The following B3GALT1 variants were observed in gnomAD, a reference collection of about 807,000 sequenced individuals.
B3GALT1 encodes the protein UDP-Gal:betaGlcNAc beta 1,3-galactosyltransferase, polypeptide 1.
In B3GALT1, 10 loss-of-function variants were observed where a neutral mutation model predicts 23.2. The ratio of observed to expected loss-of-function variants is 0.43; its 90% CI spans 0.27 to 0.73. B3GALT1 has a LOEUF of 0.73. B3GALT1 is among the 30% of genes least tolerant of loss of function. The pLI, the probability that B3GALT1 is intolerant of heterozygous loss-of-function variation, is 0.21. For synonymous variants in B3GALT1, 156 were observed against 141.5 expected, an observed-to-expected ratio of 1.10 and a Z score of -0.73; for missense variants, 299 against 405.4, an observed-to-expected ratio of 0.74 and a Z score of 2.25.
chr2:167,501,281 GTA>G (rs1699844486), intron 2 of B3GALT1, among the ~76,000 whole-genome samples: 1 of 151,692 alleles, frequency 6.6e-6, no homozygotes, highest in South Asian at 2.1e-4. Context: ...TTCTGATTGT[GTA>G]TTATTAAATA....
chr2:167,312,493 T>C (rs1331451217), intron 1 of B3GALT1, among the ~76,000 whole-genome samples: 1 of 151,876 alleles, frequency 6.6e-6, no homozygotes, highest in Admixed American at 6.6e-5. Context: ...AAATGCTCAG[T>C]ACAAAGAACA....
chr2:167,643,705 C>G (rs1685694157), intron 2 of B3GALT1, among the ~76,000 whole-genome samples: 1 of 152,206 alleles, frequency 6.6e-6, no homozygotes, highest in Non-Finnish European at 1.5e-5. Context: ...TTCCTAAAAT[C>G]TTCCCTTTTA....
intron 1 of B3GALT1, among the ~76,000 whole-genome samples, chr2:167,395,699 G>C (rs1698082793): frequency 6.6e-6 from 1 of 152,038 alleles, no homozygotes; most frequent in Admixed American, 6.6e-5. Flanking sequence ...AATACAAGGT[G>C]TCTACATGAA....
chr2:167,666,736 G>A (rs1302094865), intron 3 of B3GALT1, among the ~76,000 whole-genome samples: 2 of 152,012 alleles, frequency 1.3e-5, no homozygotes, highest in Non-Finnish European at 2.9e-5. Context: ...ATCTTTGTTG[G>A]TTTAAAGTCT....
At chr2:167,429,503 G>GC (rs1698675960) in intron 1 of B3GALT1, among the ~76,000 whole-genome samples, 2 of 152,146 alleles carry the variant, frequency 1.3e-5, no homozygotes, top group African/African-American at 4.8e-5. Flanking sequence ...GAGAAACATA[G>GC]CTTAAGACAT....
chr2:167,807,542 A>G (rs1334739405), intron 3 of B3GALT1, among the ~76,000 whole-genome samples: 3 of 151,756 alleles, frequency 2.0e-5, no homozygotes, highest in Non-Finnish European at 2.9e-5. Flanking sequence ...TTCAAAGAAC[A>G]TCTTTATTTC....
chr2:167,595,218 G>T (rs1183155592), intron 2 of B3GALT1, among the ~76,000 whole-genome samples: 1 of 152,106 alleles, frequency 6.6e-6, no homozygotes, highest in Non-Finnish European at 1.5e-5. Flanking sequence ...TGAAGGAAAT[G>T]ACAAGGAAAG....
intron 1 of B3GALT1, among the ~76,000 whole-genome samples, chr2:167,463,053 G>T (rs933013223): frequency 6.6e-6 from 1 of 151,978 alleles, no homozygotes; most frequent in Non-Finnish European, 1.5e-5. Context: ...AACACCATAA[G>T]CCTTTTCCTG....
chr2:167,841,311 C>T (rs1689645223), intron 4 of B3GALT1, among the ~76,000 whole-genome samples: 1 of 151,870 alleles, frequency 6.6e-6, no homozygotes, highest in African/African-American at 2.4e-5. Context: ...CAGGTCAGCA[C>T]AACATGCTTA....
At chr2:167,609,514 T>C (rs1318605149) in intron 2 of B3GALT1, among the ~76,000 whole-genome samples, 1 of 152,138 alleles carries the variant, frequency 6.6e-6, no homozygotes, top group African/African-American at 2.4e-5. Context: ...CAGAGCATCA[T>C]CCTCATCCTG....
chr2:167,667,710 A>C (rs938701403), intron 3 of B3GALT1, among the ~76,000 whole-genome samples: 12 of 152,022 alleles, frequency 7.9e-5, no homozygotes, highest in African/African-American at 2.9e-4. Flanking sequence ...TTCATCTTCC[A>C]TCGCTGATGC....
intron 4 of B3GALT1, among the ~76,000 whole-genome samples, chr2:167,846,157 C>G (rs1235246207): frequency 6.6e-6 from 1 of 152,084 alleles, no homozygotes; most frequent in Non-Finnish European, 1.5e-5. Flanking sequence ...GAAGAGAATT[C>G]TAAAAGCTTG....
chr2:167,499,974 GTA>G (rs1202742124), intron 2 of B3GALT1, among the ~76,000 whole-genome samples: 2 of 152,050 alleles, frequency 1.3e-5, no homozygotes, highest in Non-Finnish European at 2.9e-5. Flanking sequence ...GGTGGTGTGT[GTA>G]TATGTGTCCT....
chr2:167,576,490 G>A (rs1266534430), intron 2 of B3GALT1, among the ~76,000 whole-genome samples: 1 of 150,620 alleles, frequency 6.6e-6, no homozygotes, highest in Non-Finnish European at 1.5e-5. Context: ...TTTCGTGGAG[G>A]AGTAAAAGTA....
chr2:167,569,506 A>G (rs1279977352), intron 2 of B3GALT1, among the ~76,000 whole-genome samples: 2 of 151,920 alleles, frequency 1.3e-5, no homozygotes, highest in Non-Finnish European at 2.9e-5. Context: ...GTGCCTTGCT[A>G]GTATATGGTA....
chr2:167,735,604 T>G (rs1024169157), intron 3 of B3GALT1, among the ~76,000 whole-genome samples: 100 of 152,306 alleles, frequency 6.6e-4, no homozygotes, highest in African/African-American at 2.4e-3. Flanking sequence ...CTGCATATAT[T>G]CCTACAGATA....
intron 4 of B3GALT1, among the ~76,000 whole-genome samples, chr2:167,830,529 C>G (rs190020196): frequency 6.6e-6 from 1 of 152,212 alleles, no homozygotes; most frequent in East Asian, 1.9e-4. Context: ...TCAATATGGG[C>G]CCATGTGCTG....
intron 1 of B3GALT1, among the ~76,000 whole-genome samples, chr2:167,345,597 T>C (rs192836471): frequency 3.3e-5 from 5 of 152,318 alleles, no homozygotes; most frequent in African/African-American, 1.2e-4. Context: ...GAAGGAAATA[T>C]TCCAGTAGTA....
At chr2:167,392,983 C>T (rs1319510782) in intron 1 of B3GALT1, among the ~76,000 whole-genome samples, 1 of 152,032 alleles carries the variant, frequency 6.6e-6, no homozygotes, top group Non-Finnish European at 1.5e-5. Flanking sequence ...ACCTGTAATC[C>T]CAGCACTTTG....
Sources: gnomAD v4.1 joint callset for allele counts (sites outside exome capture counted in the v4.1 genomes callset) on GRCh38, gnomAD v4.1.1 for gene constraint, MANE v1.5 for transcripts, NCBI Gene and HGNC (gene_info 2026-07-23, HGNC 2026-07-21) for gene names.